The following ITSN2 variants were observed in gnomAD, a reference collection of about 807,000 sequenced individuals.
ITSN2 encodes intersectin-2.
A neutral mutation model predicts 243.7 loss-of-function variants in ITSN2; 156 were observed. The observed-to-expected ratio is 0.64, with a 90% confidence interval of 0.56 to 0.73. ITSN2 has a LOEUF of 0.73. Among genes scored for constraint, ITSN2 ranks in the 30% least tolerant of loss-of-function variants. The probability of loss-of-function intolerance (pLI) is 0.00; values close to 1 mark genes in which losing one functional copy is unlikely to be tolerated. For missense variants in ITSN2, 1,801 were observed against 1,996.1 expected (o/e 0.90, Z 1.86); for synonymous variants, 703 against 699.9 (o/e 1.00, Z -0.07).
chr2:24,313,532 A>T lies in ITSN2; in HGVS notation c.125-9T>A. On this transcript the variant is annotated splice_polypyrimidine_tract_variant and intron_variant, in intron 3 of 39. Coordinates refer to ENST00000355123, the MANE Select transcript of ITSN2 (RefSeq NM_006277.3). ...ATTACGTGCTTGATCACCTGGAGGT[A>T]ATAAAAACAAAACCCAAGCAGCACA... 6.2e-7 allele frequency: 1 copy of T among 1,610,180 alleles called. No individual in the cohort carries two copies. Among genetic ancestry groups the T allele is most frequent in the Non-Finnish European group, 8.5e-7 (1 of 1,177,468 alleles).
chr2:24,324,590 G>A (rs926782166), intron 2 of ITSN2, among the ~76,000 whole-genome samples: 1 of 151,860 alleles, frequency 6.6e-6, no homozygotes, highest in Non-Finnish European at 1.5e-5. Context: ...CACTTGCCTG[G>A]GCACAGCCCA....
intron 30 of ITSN2, among the ~76,000 whole-genome samples, chr2:24,218,219 C>A (rs1296453380): frequency 3.3e-5 from 5 of 152,150 alleles, no homozygotes; most frequent in Non-Finnish European, 7.4e-5. Context: ...CAGCTCTTAT[C>A]AAGGCTAGTT....
At chr2:24,258,230 T>C in intron 22 of ITSN2, 137 bp from the exon 23 acceptor site, 1 of 632,338 alleles carries the variant, frequency 1.6e-6, no homozygotes. Context: ...CTTAGTCTAC[T>C]AACTGACTTT....
intron 19 of ITSN2, 104 bp from the exon 20 acceptor site, chr2:24,270,872 T>A (rs1677255043): frequency 3.2e-6 from 2 of 624,870 alleles, no homozygotes; most frequent in African/African-American, 1.9e-5. Flanking sequence ...AAGCACCAAA[T>A]ACTACAATGA....
At chr2:24,330,930 C>T (rs1201069493) in intron 1 of ITSN2, among the ~76,000 whole-genome samples, 6 of 151,768 alleles carry the variant, frequency 4.0e-5, no homozygotes, top group Admixed American at 2.0e-4. Context: ...CCACACCTGG[C>T]TAATTTTTGT....
At chr2:24,248,808 T>A in intron 26 of ITSN2, 29 bp downstream of exon 26, 1 of 1,613,486 alleles carries the variant, frequency 6.2e-7, no homozygotes, top group South Asian at 1.1e-5. Flanking sequence ...AACACGTTAG[T>A]AATTTTTTAA....
chr2:24,208,974 G>GT (rs1558424986), intron 36 of ITSN2, 126 bp downstream of exon 36: 1 of 1,045,440 alleles, frequency 9.6e-7, no homozygotes, highest in Non-Finnish European at 1.4e-6. Context: ...GAGGGGATGT[G>GT]TTAAGAGAGG....
At chr2:24,289,440 G>A (rs960049092) in intron 15 of ITSN2, among the ~76,000 whole-genome samples, 23 of 152,006 alleles carry the variant, frequency 1.5e-4, no homozygotes, top group African/African-American at 5.6e-4. Flanking sequence ...ACTGATTTTT[G>A]TATGCTGATT....
At chr2:24,235,443 T>C (rs1672055587) in intron 29 of ITSN2, among the ~76,000 whole-genome samples, 1 of 152,174 alleles carries the variant, frequency 6.6e-6, no homozygotes, top group Non-Finnish European at 1.5e-5. Flanking sequence ...TCCCACAGAA[T>C]GCACAGCACC....
intron 1 of ITSN2, among the ~76,000 whole-genome samples, chr2:24,345,763 T>C (rs538581829): frequency 6.6e-6 from 1 of 151,882 alleles, no homozygotes; most frequent in Non-Finnish European, 1.5e-5. Flanking sequence ...CTGTAACATA[T>C]GCTATAAATG....
At chr2:24,254,026 A>G (rs1036082026) in intron 24 of ITSN2, among the ~76,000 whole-genome samples, 1 of 152,236 alleles carries the variant, frequency 6.6e-6, no homozygotes, top group African/African-American at 2.4e-5. Context: ...ATTAAAATGT[A>G]TAAGCAATGA....
At chr2:24,339,463 G>A (rs902645303) in intron 1 of ITSN2, among the ~76,000 whole-genome samples, 65 of 140,418 alleles carry the variant, frequency 4.6e-4, no homozygotes, top group Non-Finnish European at 8.1e-4. Flanking sequence ...AGAGTGAGAC[G>A]CCGTCTCAAA....
At chr2:24,265,350 T>A (rs1305875464) in intron 20 of ITSN2, among the ~76,000 whole-genome samples, 1 of 152,218 alleles carries the variant, frequency 6.6e-6, no homozygotes, top group Non-Finnish European at 1.5e-5. Flanking sequence ...TATTTCATAT[T>A]TTTATGCAAT....
intron 12 of ITSN2, 148 bp downstream of exon 12, chr2:24,299,761 A>T (rs2151655812): frequency 1.6e-6 from 1 of 626,916 alleles, no homozygotes; most frequent in East Asian, 3.0e-5. Flanking sequence ...AAGGGAAGGA[A>T]TGATCAGATT....
At position 24,261,092 on chromosome 2, in the gene ITSN2, A is replaced by T; in HGVS notation, c.2682+14T>A. ...TTCAAAGAATAAAGCCCACAAAAAT[A>T]ACAGACAACATACCTGTCCATGAAT... On this transcript the variant is annotated intron_variant, in intron 22 of 39. Transcript: ENST00000355123. 1 of 1,601,544 alleles carries T rather than the reference A, an allele frequency of 6.2e-7. No individual in the cohort carries two copies. Among genetic ancestry groups the T allele is most frequent in the Non-Finnish European group, 8.5e-7 (1 of 1,176,210 alleles).
rs201712131 is a variant in ITSN2, at chr2:24,337,315, AATATATATATATATATATAT to A, written c.-33-9220_-33-9201del. Among the ~76,000 whole-genome samples the A allele has an allele frequency of 6.2e-4, 20 of 32,020 alleles. 2 individuals carry two copies. The highest frequency in any genetic ancestry group is 2.2e-3 in the Admixed American group (4 of 1,848). The allele number at this position is 32,020 out of a possible 152,430, so 21.0% of individuals were successfully genotyped here. A position where few individuals can be genotyped will look rare whatever the true frequency, so the allele number is the denominator to read the frequency against. ...TGTGTGTGTGTGTGTGTATACACAA[AATATATATATATATATATAT>A]ATATATATATATATATATGTAATTT... is the stretch of plus-strand genomic sequence containing the variant. On this transcript the variant is annotated intron_variant, in intron 1 of 39. Coordinates refer to ENST00000355123, the MANE Select transcript of ITSN2 (RefSeq NM_006277.3).
rs759949148 is a variant in ITSN2 at position 24,225,505 on chromosome 2, C to T, written c.3578-4439G>A. Among the ~76,000 whole-genome samples the T allele has an allele frequency of 1.8e-4, 27 of 152,320 alleles. No homozygotes were observed. Among genetic ancestry groups the T allele is most frequent in the East Asian group, 9.6e-4 (5 of 5,182 alleles). On this transcript the variant is annotated intron_variant, in intron 29 of 39. Transcript: ENST00000355123. This position sits in a 1 kb window ranked among gnomAD's most constrained non-coding sequence, Gnocchi z 4.2. The stretch of plus-strand genomic sequence containing the variant: ...CTCCCCTGCCGGCCCACAGCACAGG[C>T]GCCTTGGATGGGAGGCTTTTTTGGA...
intron 1 of ITSN2, among the ~76,000 whole-genome samples, chr2:24,331,692 C>G (rs977085804): frequency 1.3e-5 from 2 of 152,170 alleles, no homozygotes; most frequent in Admixed American, 6.5e-5. Context: ...CCTGACCCCC[C>G]AATCATTAGT....
intron 2 of ITSN2, among the ~76,000 whole-genome samples, chr2:24,324,553 T>C (rs1558629939): frequency 6.6e-6 from 1 of 152,098 alleles, no homozygotes; most frequent in Admixed American, 6.5e-5. Flanking sequence ...TAAATGTTTA[T>C]GGGGTACAAA....
Sources: allele counts gnomAD v4.1 joint callset (sites outside exome capture counted in the v4.1 genomes callset), GRCh38; gene constraint gnomAD v4.1.1; non-coding constraint Gnocchi (gnomAD v3.1); transcripts MANE v1.5; gene names NCBI Gene and HGNC (gene_info 2026-07-23, HGNC 2026-07-21).